The following NKAIN3 variants were observed in gnomAD, a reference collection of about 807,000 sequenced individuals.
NKAIN3 encodes sodium/potassium-transporting ATPase subunit beta-1-interacting protein 3.
A neutral mutation model predicts 30.2 loss-of-function variants in NKAIN3; 25 were observed. That is an observed-to-expected ratio of 0.83 (90% CI 0.60 to 1.16). NKAIN3 has a LOEUF of 1.16. NKAIN3 is among the 50% of genes most tolerant of loss of function. The pLI is 0.00. For missense variants in NKAIN3, 225 were observed against 254.1 expected, an observed-to-expected ratio of 0.89 and a Z score of 0.78; for synonymous variants, 91 against 89.6, an observed-to-expected ratio of 1.02 and a Z score of -0.09.
intron 4 of NKAIN3, among the ~76,000 whole-genome samples, chr8:62,763,258 A>C (rs981828276): frequency 7.0e-6 from 1 of 142,588 alleles, no homozygotes; most frequent in Non-Finnish European, 1.5e-5. Context: ...AAAAAAAAAA[A>C]AAACTTATAT....
intron 1 of NKAIN3, among the ~76,000 whole-genome samples, chr8:62,456,587 A>G (rs1805828201): frequency 6.6e-6 from 1 of 152,050 alleles, no homozygotes; most frequent in African/African-American, 2.4e-5. Context: ...CCTGATATGT[A>G]TCTGAAGTCG....
chr8:62,850,555 A>C (rs372947004), intron 4 of NKAIN3, among the ~76,000 whole-genome samples: 5 of 151,956 alleles, frequency 3.3e-5, no homozygotes, highest in African/African-American at 4.8e-5. Flanking sequence ...AATGGTATTG[A>C]CTAGGTTTTC....
At chr8:62,631,194 C>T (rs1005050866) in intron 3 of NKAIN3, among the ~76,000 whole-genome samples, 2 of 152,132 alleles carry the variant, frequency 1.3e-5, no homozygotes, top group African/African-American at 2.4e-5. Flanking sequence ...TCAACTCTTT[C>T]GAAAACCCAC....
intron 1 of NKAIN3, among the ~76,000 whole-genome samples, chr8:62,285,350 G>A (rs1813345895): frequency 6.6e-6 from 1 of 152,162 alleles, no homozygotes; most frequent in Non-Finnish European, 1.5e-5. Context: ...TACAGAAATA[G>A]CGTCTGCTTT....
chr8:62,447,047 G>T (rs1805507396), intron 1 of NKAIN3, among the ~76,000 whole-genome samples: 2 of 151,954 alleles, frequency 1.3e-5, no homozygotes, highest in African/African-American at 2.4e-5. Context: ...GCCATACCTG[G>T]TGAAATTTTT....
intron 1 of NKAIN3, among the ~76,000 whole-genome samples, chr8:62,450,864 T>G (rs541918758): frequency 1.3e-5 from 2 of 152,270 alleles, no homozygotes; most frequent in East Asian, 3.9e-4. Context: ...GTGTGATATA[T>G]TTTGAACACA....
chr8:62,280,301 AC>A (rs1395602578), intron 1 of NKAIN3, among the ~76,000 whole-genome samples: 11 of 152,156 alleles, frequency 7.2e-5, no homozygotes, highest in Non-Finnish European at 1.6e-4. Context: ...TTCTAAATAT[AC>A]TATCATGTCA....
chr8:62,517,379 A>G (rs1393295120), intron 1 of NKAIN3, among the ~76,000 whole-genome samples: 2 of 152,138 alleles, frequency 1.3e-5, no homozygotes, highest in East Asian at 1.9e-4. Context: ...CTCTAGGGCA[A>G]TTGTTCTTCA....
intron 1 of NKAIN3, among the ~76,000 whole-genome samples, chr8:62,289,086 GT>G (rs1307609653): frequency 6.6e-6 from 1 of 152,102 alleles, no homozygotes; most frequent in African/African-American, 2.4e-5. Context: ...TTTTGATGGG[GT>G]TGTTTGATTT....
chr8:62,792,303 T>C (rs1817722284), intron 4 of NKAIN3, among the ~76,000 whole-genome samples: 1 of 152,152 alleles, frequency 6.6e-6, no homozygotes, highest in Non-Finnish European at 1.5e-5. Flanking sequence ...ATTATTAACT[T>C]ATCAACTTAA....
intron 3 of NKAIN3, among the ~76,000 whole-genome samples, chr8:62,648,593 G>A (rs563263388): frequency 1.3e-5 from 2 of 152,304 alleles, no homozygotes; most frequent in South Asian, 4.1e-4. Context: ...AGGAATCACA[G>A]CCTGGTGCTC....
chr8:62,446,501 G>A (rs1182536206), intron 1 of NKAIN3, among the ~76,000 whole-genome samples: 1 of 152,022 alleles, frequency 6.6e-6, no homozygotes, highest in Non-Finnish European at 1.5e-5. Flanking sequence ...CCATTTTTAA[G>A]TGTACACTCC....
At chr8:62,724,090 A>G (rs2170114) in intron 3 of NKAIN3, among the ~76,000 whole-genome samples, 132,994 of 152,018 alleles carry the variant, frequency 0.87, 58,290 homozygotes, top group Admixed American at 0.9. Flanking sequence ...GAACCAAATG[A>G]CACGGACAAG....
At chr8:62,517,310 C>T (rs1017339376) in intron 1 of NKAIN3, among the ~76,000 whole-genome samples, 5 of 152,054 alleles carry the variant, frequency 3.3e-5, no homozygotes, top group African/African-American at 1.2e-4. Context: ...TAACAAATAT[C>T]ACCAAACTCT....
At chr8:62,833,714 A>G (rs1051321079) in intron 4 of NKAIN3, among the ~76,000 whole-genome samples, 1 of 151,764 alleles carries the variant, frequency 6.6e-6, no homozygotes, top group Non-Finnish European at 1.5e-5. Context: ...AAAAAGCCCC[A>G]CATGGATTCA....
chr8:62,400,163 C>CTTTTTTTT (rs71255333), intron 1 of NKAIN3, among the ~76,000 whole-genome samples: 4 of 122,230 alleles, frequency 3.3e-5, no homozygotes, highest in Non-Finnish European at 6.9e-5. Flanking sequence ...GCTATATTTT[C>CTTTTTTTT]TTTTTTTTTT....
chr8:62,289,785 A>G (rs1026551880), intron 1 of NKAIN3, among the ~76,000 whole-genome samples: 1 of 152,178 alleles, frequency 6.6e-6, no homozygotes, highest in Non-Finnish European at 1.5e-5. Flanking sequence ...GAAGAAAGTC[A>G]TTGGTAGCTT....
chr8:62,393,024 T>A (rs13281000), intron 1 of NKAIN3, among the ~76,000 whole-genome samples: 90,813 of 151,922 alleles, frequency 0.6, 28,411 homozygotes, highest in East Asian at 0.68. Flanking sequence ...ATGGTGCAGG[T>A]CTCTAAATTT....
chr8:62,734,121 A>G (rs553813303), intron 3 of NKAIN3, among the ~76,000 whole-genome samples: 13 of 152,226 alleles, frequency 8.5e-5, no homozygotes, highest in Non-Finnish European at 1.8e-4. Flanking sequence ...GTCTCTAAAA[A>G]AGCCTTGAAA....
Sources: allele counts gnomAD v4.1 joint callset (sites outside exome capture counted in the v4.1 genomes callset), GRCh38; gene constraint gnomAD v4.1.1; transcripts MANE v1.5; gene names NCBI Gene and HGNC (gene_info 2026-07-23, HGNC 2026-07-21).